The following ARHGEF25 variants were observed in gnomAD, a reference collection of about 807,000 sequenced individuals.
ARHGEF25 encodes the protein Rho guanine nucleotide exchange factor 25.
Under a neutral mutation model 74.0 loss-of-function variants are expected in ARHGEF25, and 42 were observed. The observed-to-expected ratio is 0.57, with a 90% CI of 0.44 to 0.73. The LOEUF (loss-of-function observed/expected upper bound fraction) is 0.73, where lower values mean the gene tolerates loss of function less well. Ranked by LOEUF, ARHGEF25 falls within the 30% of genes least tolerant of loss-of-function variation. ARHGEF25 has a pLI of 0.00. For missense variants in ARHGEF25, 645 were observed against 725.5 expected, an observed-to-expected ratio of 0.89 and a Z score of 1.27; for synonymous variants, 293 against 278.6, an observed-to-expected ratio of 1.05 and a Z score of -0.51.
chr12:57,613,348 G>C lies in ARHGEF25; in HGVS notation c.397G>C (p.Asp133His). 1 of 1,614,246 alleles carries C rather than the reference G, an allele frequency of 6.2e-7. No homozygotes were observed. Among genetic ancestry groups the C allele is most frequent in the Non-Finnish European group, 8.5e-7 (1 of 1,180,038 alleles). ...GACCACACTGTTGGAGGGCCCTGGA[G>C]ATAAGACGCAGGTGTGAGGACAGGC... ...LLTTLLEGPG[D>H]KTQPPEEETL... The change falls in exon 3 of 15, where the codon GAT becomes CAT. Residue 133 changes from aspartate to histidine, a missense_variant. Physicochemically the swap from Asp to His is moderately conservative, Grantham distance 81. Coordinates refer to ENST00000286494, the MANE Select transcript of ARHGEF25 (RefSeq NM_182947.4).
In ARHGEF25 at chr12:57,615,665, G is replaced by A. The variant is rs1336739484; in HGVS notation, c.1192G>A (p.Val398Met). Reference protein sequence around the residue: ...IIFSEALGGGVRGGTQPGYVY... With the variant: ...IIFSEALGGGMRGGTQPGYVY... ...CTTCAGTGAAGCCCTGGGAGGAGGA[G>A]TGAGAGGTGGAACACAGCCTGGATA... The change falls in exon 12 of 15, where the codon GTG (valine) becomes ATG (methionine). Residue 398 changes from valine (V) to methionine (M), a missense_variant. Physicochemically the swap from Val to Met is conservative, Grantham distance 21. Coordinates refer to ENST00000286494, the MANE Select transcript of ARHGEF25 (RefSeq NM_182947.4). 6.2e-7 allele frequency: 1 copy of A among 1,614,182 alleles called. No homozygotes were observed. Among genetic ancestry groups the A allele is most frequent in the Middle Eastern group, 1.6e-4 (1 of 6,062 alleles).
chr12:57,610,565 C>T, upstream of ARHGEF25: 1 of 1,605,932 alleles, frequency 6.2e-7, no homozygotes, highest in Non-Finnish European at 8.5e-7. Flanking sequence ...GTTCTGTCCC[C>T]GCAGCCCCCA....
upstream of ARHGEF25, chr12:57,610,421 G>A: frequency 9.2e-7 from 1 of 1,092,082 alleles, no homozygotes; most frequent in Non-Finnish European, 1.3e-6. Context: ...GGCAGTCGCA[G>A]GAATACATGA....
upstream of ARHGEF25, chr12:57,610,533 G>T: frequency 6.4e-7 from 1 of 1,555,402 alleles, no homozygotes; most frequent in South Asian, 1.2e-5. Flanking sequence ...GGGCTGCCTA[G>T]GAGGGCAGGT....
At position 57,617,030 on chromosome 12, in the gene ARHGEF25, A is replaced by G. The variant is rs1164808168; in HGVS notation, c.*136A>G. The G allele has an allele frequency of 3.2e-6, 2 of 630,032 alleles. No homozygotes were observed. The highest frequency in any genetic ancestry group is 3.7e-5 in the African/African-American group (2 of 54,162). 39.0% of individuals were successfully genotyped at this position (630,032 alleles called of 1,614,324 possible). ...GGTGGGCAAGGCTGGGAGGGATATC[A>G]ACTTGGAGGAGAACACCTAGACCCA... On this transcript the variant is annotated 3_prime_UTR_variant, in exon 15 of 15. Coordinates refer to ENST00000286494, the MANE Select transcript of ARHGEF25 (RefSeq NM_182947.4).
chr12:57,615,622 C>A lies in ARHGEF25; in HGVS notation c.1149C>A (p.Leu383=), dbSNP rs1456899618. Residue 383 remains leucine, a synonymous_variant, in exon 12 of 15, where the codon CTC becomes CTA. Transcript: ENST00000286494. Reference sequence around the variant, plus strand: ...GAGGTCGAGAGAGGCGCGTCTTCCTCTTTGAGCAAATCATCATCTTCAGTG... The same window carrying A: ...GAGGTCGAGAGAGGCGCGTCTTCCTATTTGAGCAAATCATCATCTTCAGTG... The part of the protein sequence containing the change: ...SSRGRERRVF[L]FEQIIIFSEA... 1 of 1,614,188 alleles carries A rather than the reference C, an allele frequency of 6.2e-7. No homozygotes were observed. The highest frequency in any genetic ancestry group is 8.5e-7 in the Non-Finnish European group (1 of 1,180,042).
chr12:57,611,138 GT>G (rs1235967350), upstream of ARHGEF25, among the ~76,000 whole-genome samples: 1 of 152,246 alleles, frequency 6.6e-6, no homozygotes, highest in Non-Finnish European at 1.5e-5. This position sits in a 1 kb window ranked among gnomAD's most constrained non-coding sequence, Gnocchi z 4.5. Flanking sequence ...CATCCACTGA[GT>G]CCTCCTTCAT....
chr12:57,612,690 T>C, intron 1 of ARHGEF25: 1 of 1,395,192 alleles, frequency 7.2e-7, no homozygotes, highest in African/African-American at 1.4e-5. Flanking sequence ...ATGGGGAACC[T>C]CCACATGTAA....
upstream of ARHGEF25, among the ~76,000 whole-genome samples, chr12:57,611,044 A>G (rs1326356620): frequency 1.3e-5 from 2 of 152,136 alleles, no homozygotes; most frequent in Non-Finnish European, 2.9e-5. The surrounding 1 kb of genome is among the most constrained non-coding windows in gnomAD (Gnocchi z 4.5). Flanking sequence ...GACTCCCCAT[A>G]CACGCACCCC....
rs370112426 is a variant in ARHGEF25, at chr12:57,615,729, G to A, written c.1239+17G>A. The A allele has an allele frequency of 6.2e-6, 10 of 1,614,040 alleles. No homozygotes were observed. In the East Asian group the frequency reaches 6.7e-5, roughly 11 times the overall value. On this transcript the variant is annotated intron_variant, in intron 12 of 14. Transcript: ENST00000286494. ...AGCATTAAGGTGGGGAGAAGGCCAC[G>A]AGGGAGGGCTTGGAGAGAGAGAGGG... is the stretch of plus-strand genomic sequence containing the variant.
In ARHGEF25 at chr12:57,616,861, C is replaced by T; in HGVS notation, c.1710C>T (p.Ala570=). 6.2e-7 allele frequency: 1 copy of T among 1,614,108 alleles called. No individual in the cohort carries two copies. The highest frequency in any genetic ancestry group is 8.5e-7 in the Non-Finnish European group (1 of 1,179,970). The change falls in exon 15 of 15, where the codon GCC becomes GCT. Residue 570 remains alanine (A), a synonymous_variant. Coordinates refer to ENST00000286494, the MANE Select transcript of ARHGEF25 (RefSeq NM_182947.4). ...SPTPKTPPCQ[A]RLAKLDEDEL is the part of the protein sequence containing the mutation. ...CTCCAAAAACCCCTCCCTGCCAAGC[C>T]AGACTTGCCAAGCTGGATGAAGATG...
upstream of ARHGEF25, chr12:57,610,373 C>A (rs929306154): frequency 1.9e-5 from 24 of 1,287,250 alleles, no homozygotes; most frequent in Non-Finnish European, 2.4e-5. Flanking sequence ...AGGAGGGCTG[C>A]ACCCACAACT....
At chr12:57,610,820 T>G, upstream of ARHGEF25, 2 of 677,628 alleles carry the variant, frequency 3.0e-6, no homozygotes, top group Admixed American at 3.4e-5. Context: ...AGACCTCCAC[T>G]CTTCTTGCCT....
chr12:57,610,609 C>G (rs755663287), upstream of ARHGEF25: 3 of 1,612,340 alleles, frequency 1.9e-6, no homozygotes, highest in South Asian at 3.3e-5. Context: ...GGGTACCGAG[C>G]CAGAGTCTGA....
Position 57,612,997 on chromosome 12 carries a change from C to G in ARHGEF25, c.165C>G (p.Pro55=), listed in dbSNP as rs767335428. Residue 55 remains proline (P), a synonymous_variant, in exon 2 of 15, where the codon CCC becomes CCG. Coordinates refer to ENST00000286494, the MANE Select transcript of ARHGEF25 (RefSeq NM_182947.4). ...SASAASGLAA[P]SGPSSGLSSG... is the part of the protein sequence containing the mutation. ...CTGCTGCCTCCGGTCTGGCTGCCCC[C>G]TCTGGCCCCAGCTCTGGCCTCAGCT... 6.2e-7 allele frequency: 1 copy of G among 1,614,158 alleles called. No homozygotes were observed. The highest frequency in any genetic ancestry group is 8.5e-7 in the Non-Finnish European group (1 of 1,180,012).
Position 57,616,023 on chromosome 12 carries a change from G to A in ARHGEF25, c.1420+6G>A. The A allele has an allele frequency of 6.2e-7, 1 of 1,607,590 alleles. No homozygotes were observed. The highest frequency in any genetic ancestry group is 8.5e-7 in the Non-Finnish European group (1 of 1,175,844). Reference sequence around the variant, plus strand: ...CCAACGGGACTTCCTCAACGGTGAAGCTCTCATCCTTTCTTCCCGATGTGC... The same window carrying A: ...CCAACGGGACTTCCTCAACGGTGAAACTCTCATCCTTTCTTCCCGATGTGC... On this transcript the variant is annotated splice_donor_region_variant and intron_variant, in intron 13 of 14. Coordinates refer to ENST00000286494, the MANE Select transcript of ARHGEF25 (RefSeq NM_182947.4).
rs1332916743 is a variant in ARHGEF25 at position 57,613,038 on chromosome 12, C to A, written c.206C>A (p.Pro69Gln). ...SSGLSSGPCSPGPPGPVSGLR... is the reference protein window; with the variant it reads ...SSGLSSGPCSQGPPGPVSGLR... ...GGCCTCAGCTCTGGCCCCTGTTCCCCAGGCCCCCCAGGGCCCGTCAGTGGC... is the reference window on the plus strand; with the variant it reads ...GGCCTCAGCTCTGGCCCCTGTTCCCAAGGCCCCCCAGGGCCCGTCAGTGGC... Residue 69 changes from proline to glutamine, a missense_variant, in exon 2 of 15, where the codon CCA becomes CAA. By Grantham distance (76) the Pro-to-Gln change is moderately conservative. Around this residue, in one of 3 missense-constraint regions of ARHGEF25, gnomAD observed 189 missense variants for 199.1 expected, o/e 0.95. Transcript: ENST00000286494. The A allele has an allele frequency of 6.2e-7, 1 of 1,614,172 alleles. No individual in the cohort carries two copies. Among genetic ancestry groups the A allele is most frequent in the East Asian group, 2.2e-5 (1 of 44,890 alleles).
Position 57,614,410 on chromosome 12 carries a change from GA to G in ARHGEF25, c.726+11del, listed in dbSNP as rs755163641. The stretch of plus-strand genomic sequence containing the variant: ...GCTATTCATCAAACACGTGAGGCTT[GA>G]GGGGGCAGGGCCTGGGGCGGGGCTT... On this transcript the variant is annotated intron_variant, in intron 7 of 14. Coordinates refer to ENST00000286494, the MANE Select transcript of ARHGEF25 (RefSeq NM_182947.4). This position sits in a 1 kb window ranked among gnomAD's most constrained non-coding sequence, Gnocchi z 4.6. 1 of 1,614,044 alleles carries G rather than the reference GA, an allele frequency of 6.2e-7. No homozygotes were observed.
chr12:57,612,039 G>A (rs1465571108), intron 1 of ARHGEF25, 48 bp downstream of exon 1: 1 of 1,261,116 alleles, frequency 7.9e-7, no homozygotes, highest in Middle Eastern at 2.1e-4. Context: ...GGGCGGGCTG[G>A]GGGTTCAGGG....
Sources: gnomAD v4.1 joint callset for allele counts (sites outside exome capture counted in the v4.1 genomes callset) on GRCh38, gnomAD v4.1.1 for gene constraint, gnomAD v4.1.1 regional missense constraint, Gnocchi (gnomAD v3.1) non-coding constraint, MANE v1.5 for transcripts, NCBI Gene and HGNC (gene_info 2026-07-23, HGNC 2026-07-21) for gene names.